Variants in THSD7B observed in about 807,000 individuals in gnomAD.
THSD7B encodes thrombospondin type 1 domain containing 7B.
In THSD7B, 138 loss-of-function variants were observed where a neutral mutation model predicts 213.6. The ratio of observed to expected loss-of-function variants is 0.65; its 90% confidence interval spans 0.56 to 0.74. THSD7B has a LOEUF of 0.74. Among genes scored for constraint, THSD7B ranks in the 30% least tolerant of loss-of-function variants. THSD7B has a pLI of 0.00. For missense variants in THSD7B, 1,931 were observed against 1,991.5 expected (o/e 0.97, Z 0.58); for synonymous variants, 742 against 687.0 (o/e 1.08, Z -1.25).
Position 137,310,017 on chromosome 2 carries a change from T to C in THSD7B, c.2500+33991T>C, listed in dbSNP as rs201799855. Among the ~76,000 whole-genome samples, 552 of 151,516 alleles carry C rather than the reference T, an allele frequency of 3.6e-3. 17 individuals are homozygous for C. The East Asian group carries it at 0.086, about 24-fold the overall frequency. On this transcript the variant is annotated intron_variant, in intron 12 of 27. Coordinates refer to ENST00000409968, the MANE Select transcript of THSD7B (RefSeq NM_001316349.2). The stretch of plus-strand genomic sequence containing the variant: ...CATGATTTATAGTCCTTTGGGTATA[T>C]ACCCAGTAATGGGATGGCTGGGTCA...
chr2:137,282,665 C>A lies in THSD7B; in HGVS notation c.2500+6639C>A, dbSNP rs1463308278. Among the ~76,000 whole-genome samples, 35 of 152,090 alleles carry A rather than the reference C, an allele frequency of 2.3e-4. 1 individual carries two copies. The highest frequency in any genetic ancestry group is 2.3e-3 in the Admixed American group (35 of 15,260). ...AGCACCATTTATTAAATAGGGAATC[C>A]TTTCCCCATTGCTTGTTTTTGTCAG... On this transcript the variant is annotated intron_variant, in intron 12 of 27. Coordinates refer to ENST00000409968, the MANE Select transcript of THSD7B (RefSeq NM_001316349.2).
At chr2:137,436,340 T>C (rs1247452106) in intron 14 of THSD7B, among the ~76,000 whole-genome samples, 1 of 152,164 alleles carries the variant, frequency 6.6e-6, no homozygotes, top group East Asian at 1.9e-4. Flanking sequence ...GATATTATCT[T>C]TATTCTTATG....
chr2:137,429,722 G>A (rs1054889626), intron 14 of THSD7B, among the ~76,000 whole-genome samples: 14 of 152,160 alleles, frequency 9.2e-5, no homozygotes, highest in African/African-American at 3.4e-4. Flanking sequence ...ATTGTTGTTT[G>A]GCAATATTGA....
At chr2:137,079,739 C>G (rs1040773884) in intron 3 of THSD7B, among the ~76,000 whole-genome samples, 11 of 151,982 alleles carry the variant, frequency 7.2e-5, no homozygotes, top group Admixed American at 7.2e-4. Flanking sequence ...TATCTTTGGC[C>G]TCTTCATAGT....
chr2:137,220,858 A>T (rs1681351065), intron 7 of THSD7B, among the ~76,000 whole-genome samples: 1 of 152,224 alleles, frequency 6.6e-6, no homozygotes, highest in South Asian at 2.1e-4. Flanking sequence ...AAGAATGACT[A>T]ATTCATAGAG....
intron 7 of THSD7B, among the ~76,000 whole-genome samples, chr2:137,199,740 A>T (rs1334735284): frequency 6.6e-6 from 1 of 152,202 alleles, no homozygotes; most frequent in East Asian, 1.9e-4. Context: ...CCCATATCAG[A>T]TTATTAAAAG....
At chr2:137,532,722 T>C (rs1402294717) in intron 15 of THSD7B, among the ~76,000 whole-genome samples, 1 of 151,752 alleles carries the variant, frequency 6.6e-6, no homozygotes, top group Non-Finnish European at 1.5e-5. Context: ...TCTGTTGTAA[T>C]CTGCAGGGCT....
At chr2:137,578,610 A>T (rs1168437881) in intron 17 of THSD7B, among the ~76,000 whole-genome samples, 1 of 152,322 alleles carries the variant, frequency 6.6e-6, no homozygotes, top group East Asian at 1.9e-4. Flanking sequence ...CACAGGTAAC[A>T]TTACTGCCTG....
At chr2:137,376,431 C>T (rs1055730081) in intron 12 of THSD7B, among the ~76,000 whole-genome samples, 1 of 152,164 alleles carries the variant, frequency 6.6e-6, no homozygotes, top group Non-Finnish European at 1.5e-5. Context: ...AAGCACCATC[C>T]ATCTGTCAAA....
At chr2:136,915,069 C>T (rs1349747409) in intron 2 of THSD7B, among the ~76,000 whole-genome samples, 3 of 152,024 alleles carry the variant, frequency 2.0e-5, no homozygotes, top group African/African-American at 4.8e-5. Flanking sequence ...GGGTTATCTT[C>T]GATGGGAGTT....
intron 13 of THSD7B, among the ~76,000 whole-genome samples, chr2:137,410,132 T>G (rs1686619112): frequency 6.6e-6 from 1 of 152,196 alleles, no homozygotes; most frequent in Non-Finnish European, 1.5e-5. Flanking sequence ...TCTCAGCCAG[T>G]AAATTTTCAT....
chr2:137,307,380 T>G (rs997500359), intron 12 of THSD7B, among the ~76,000 whole-genome samples: 4 of 151,806 alleles, frequency 2.6e-5, no homozygotes, highest in Non-Finnish European at 5.9e-5. Context: ...TGGTGACACA[T>G]GGGAAAAGAA....
intron 7 of THSD7B, among the ~76,000 whole-genome samples, chr2:137,193,275 AGTGT>A (rs1317420455): frequency 5.9e-5 from 9 of 152,176 alleles, no homozygotes; most frequent in South Asian, 2.1e-4. Flanking sequence ...AACTTGTATG[AGTGT>A]GTGTTTGTTC....
At chr2:137,597,987 A>C (rs1332654491) in intron 17 of THSD7B, among the ~76,000 whole-genome samples, 1 of 152,090 alleles carries the variant, frequency 6.6e-6, no homozygotes, top group Non-Finnish European at 1.5e-5. Flanking sequence ...AAAAGCCCCC[A>C]ACAATTGAGC....
intron 1 of THSD7B, among the ~76,000 whole-genome samples, chr2:136,875,118 C>G (rs1002028108): frequency 2.6e-5 from 4 of 152,144 alleles, no homozygotes; most frequent in Admixed American, 2.6e-4. Context: ...GTAGGACACA[C>G]CTGTGTTCAA....
chr2:137,048,483 C>T (rs930638134), intron 2 of THSD7B, among the ~76,000 whole-genome samples: 1 of 152,180 alleles, frequency 6.6e-6, no homozygotes. Flanking sequence ...TACAAATATA[C>T]TCCATGTATC....
chr2:137,050,325 T>C (rs1405494007), intron 2 of THSD7B, among the ~76,000 whole-genome samples: 1 of 152,226 alleles, frequency 6.6e-6, no homozygotes, highest in East Asian at 1.9e-4. Context: ...TGATAAGTGG[T>C]TCAAATACAT....
intron 2 of THSD7B, among the ~76,000 whole-genome samples, chr2:137,018,768 A>G (rs1206718289): frequency 1.3e-5 from 2 of 152,312 alleles, no homozygotes; most frequent in African/African-American, 4.8e-5. Flanking sequence ...TTTAAAAAGT[A>G]ACAAAAGTAT....
At chr2:137,106,805 G>A (rs1036594574) in intron 4 of THSD7B, among the ~76,000 whole-genome samples, 1 of 152,210 alleles carries the variant, frequency 6.6e-6, no homozygotes. Context: ...CATCGTCACT[G>A]GTCATTAGAG....
Sources: gnomAD v4.1 joint callset for allele counts (sites outside exome capture counted in the v4.1 genomes callset) on GRCh38, gnomAD v4.1.1 for gene constraint, MANE v1.5 for transcripts, NCBI Gene and HGNC (gene_info 2026-07-23, HGNC 2026-07-21) for gene names.